TRIM44: variants seen among roughly 807,000 people sequenced by gnomAD.
TRIM44 encodes tripartite motif-containing protein 44.
Under a neutral mutation model 37.4 loss-of-function variants are expected in TRIM44, and 13 were observed. The observed-to-expected ratio is 0.35, with a 90% CI of 0.23 to 0.55. TRIM44 has a LOEUF of 0.55. TRIM44 is among the 20% of genes least tolerant of loss of function. The pLI is 0.89. For synonymous variants in TRIM44, 175 were observed against 157.2 expected (o/e 1.11, Z -0.85); for missense variants, 426 against 437.2 (o/e 0.97, Z 0.23).
rs1292570782 is a variant in TRIM44, at chr11:35,802,055, T to G, written c.1008-4303T>G. Among the ~76,000 whole-genome samples the G allele has an allele frequency of 2.0e-5, 3 of 152,318 alleles. No individual in the cohort carries two copies. In the East Asian group the frequency reaches 5.8e-4, roughly 29 times the overall value. ...CTTTGGCACTGTGAATTTAGCTTATTAAATTTACAAGCAAAGGTGCACTAT... is the reference window on the plus strand; with the variant it reads ...CTTTGGCACTGTGAATTTAGCTTATGAAATTTACAAGCAAAGGTGCACTAT... On this transcript the variant is annotated intron_variant, in intron 4 of 4. Transcript: ENST00000299413.
intron 4 of TRIM44, among the ~76,000 whole-genome samples, chr11:35,742,566 A>G (rs1024464127): frequency 1.5e-5 from 2 of 132,572 alleles, no homozygotes; most frequent in African/African-American, 5.7e-5. Context: ...TGTATTATAT[A>G]TAATTATATT....
rs1213749685 is a variant in TRIM44, at chr11:35,685,468, AAC to A, written c.747+134_747+135del. On this transcript the variant is annotated intron_variant, in intron 2 of 4. Transcript: ENST00000299413. The stretch of plus-strand genomic sequence containing the variant: ...GATTTAATTAAGCCTGCCCATCAGA[AAC>A]AGTGTCCTGATATGCCTAGAGATAA... The A allele has an allele frequency of 6.1e-5, 44 of 727,054 alleles. No individual in the cohort carries two copies. In the African/African-American group the frequency reaches 6.2e-4, roughly 10 times the overall value. The allele number at this position is 727,054 out of a possible 1,614,324, so 45.0% of individuals were successfully genotyped here. A position where few individuals can be genotyped will look rare whatever the true frequency, so the allele number is the denominator to read the frequency against.
chr11:35,743,767 G>A (rs1185707409), intron 4 of TRIM44, among the ~76,000 whole-genome samples: 1 of 152,118 alleles, frequency 6.6e-6, no homozygotes, highest in Non-Finnish European at 1.5e-5. Context: ...ACAATCCATG[G>A]TTTGAAAAAC....
intron 2 of TRIM44, among the ~76,000 whole-genome samples, chr11:35,715,826 G>A (rs1386640547): frequency 6.6e-6 from 1 of 152,124 alleles, no homozygotes; most frequent in Admixed American, 6.6e-5. Flanking sequence ...AAGCAGGCAT[G>A]TCATACGTGG....
chr11:35,707,430 A>G (rs1197926661), intron 2 of TRIM44, among the ~76,000 whole-genome samples: 2 of 152,140 alleles, frequency 1.3e-5, no homozygotes, highest in Non-Finnish European at 2.9e-5. Context: ...GTTCATATGG[A>G]ACCAAAAAAG....
chr11:35,669,820 T>TTTG (rs774338310), intron 1 of TRIM44, among the ~76,000 whole-genome samples: 40 of 151,724 alleles, frequency 2.6e-4, no homozygotes, highest in African/African-American at 3.9e-4. Context: ...TTGTTTGTTT[T>TTTG]TTGTTGTTGT....
At chr11:35,666,048 G>A (rs146175882) in intron 1 of TRIM44, among the ~76,000 whole-genome samples, 6 of 152,144 alleles carry the variant, frequency 3.9e-5, no homozygotes, top group African/African-American at 1.2e-4. Flanking sequence ...TGCTTTTTGT[G>A]TCTTGTTCTA....
chr11:35,663,212 G>C lies in TRIM44; in HGVS notation c.101G>C (p.Arg34Pro). The C allele has an allele frequency of 1.2e-6, 2 of 1,602,930 alleles. No homozygotes were observed. Among genetic ancestry groups the C allele is most frequent in the Non-Finnish European group, 1.7e-6 (2 of 1,173,346 alleles). The change falls in exon 1 of 5, where the codon CGA becomes CCA. Residue 34 changes from arginine (R) to proline (P), a missense_variant. This residue lies in a region of TRIM44 where 331 missense variants were observed against 303.0 expected (regional missense o/e 1.09). Transcript: ENST00000299413. ...DEAPGAEEVCRECGFCYCRRH... is the reference protein window; with the variant it reads ...DEAPGAEEVCPECGFCYCRRH... The stretch of plus-strand genomic sequence containing the variant: ...GCTCCGGGGGCCGAGGAAGTGTGCC[G>C]AGAATGCGGCTTCTGCTACTGCCGC...
At chr11:35,714,579 A>G (rs1852016268) in intron 2 of TRIM44, among the ~76,000 whole-genome samples, 2 of 152,208 alleles carry the variant, frequency 1.3e-5, no homozygotes, top group South Asian at 4.1e-4. Flanking sequence ...GTGTTTTAAT[A>G]AAATACAAAT....
At chr11:35,694,222 T>A (rs1424398687) in intron 2 of TRIM44, among the ~76,000 whole-genome samples, 1 of 152,222 alleles carries the variant, frequency 6.6e-6, no homozygotes, top group African/African-American at 2.4e-5. Flanking sequence ...GAATCCGCTA[T>A]AGAGCCGATT....
In TRIM44 at chr11:35,663,757, G is replaced by A; in HGVS notation, c.646G>A (p.Asp216Asn). The change falls in exon 1 of 5, where the codon GAC (aspartate) becomes AAC (asparagine). Residue 216 changes from aspartate (D) to asparagine (N), a missense_variant. Around this residue, in one of 2 missense-constraint regions of TRIM44, gnomAD observed 331 missense variants for 303.0 expected, o/e 1.09. Coordinates refer to ENST00000299413, the MANE Select transcript of TRIM44 (RefSeq NM_017583.6). ...AHQGHQLSTLDEAFEELRSKD... is the reference protein window; with the variant it reads ...AHQGHQLSTLNEAFEELRSKD... ...CCAGGGCCACCAACTCTCCACCCTA[G>A]ACGAAGCCTTTGAAGAATTAAGAGT... 1.2e-6 allele frequency: 2 copies of A among 1,613,936 alleles called. No homozygotes were observed. The highest frequency in any genetic ancestry group is 1.7e-6 in the Non-Finnish European group (2 of 1,179,962).
intron 4 of TRIM44, among the ~76,000 whole-genome samples, chr11:35,753,836 C>T (rs1852588915): frequency 6.6e-6 from 1 of 151,808 alleles, no homozygotes; most frequent in African/African-American, 2.4e-5. Flanking sequence ...TCAAGCGATT[C>T]CCCTGCCTCA....
chr11:35,765,996 T>G (rs757032135), intron 4 of TRIM44, among the ~76,000 whole-genome samples: 2 of 152,190 alleles, frequency 1.3e-5, no homozygotes, highest in Non-Finnish European at 2.9e-5. Context: ...AAGCAAGTAT[T>G]TCTGTGCCTG....
At chr11:35,761,855 A>G (rs1230806351) in intron 4 of TRIM44, among the ~76,000 whole-genome samples, 1 of 152,210 alleles carries the variant, frequency 6.6e-6, no homozygotes, top group Non-Finnish European at 1.5e-5. Flanking sequence ...TTTTGTTTAA[A>G]GTGACTTACC....
intron 4 of TRIM44, among the ~76,000 whole-genome samples, chr11:35,787,865 C>T (rs931590672): frequency 6.6e-6 from 1 of 152,204 alleles, no homozygotes; most frequent in Non-Finnish European, 1.5e-5. Context: ...CATAATGAGG[C>T]ATTCAGTGTC....
intron 4 of TRIM44, among the ~76,000 whole-genome samples, chr11:35,799,924 A>G (rs921912055): frequency 1.4e-4 from 22 of 152,184 alleles, no homozygotes; most frequent in African/African-American, 5.1e-4. Flanking sequence ...AGCGAAGTCA[A>G]ACTTTTTTTA....
At chr11:35,793,315 A>G (rs1853241603) in intron 4 of TRIM44, among the ~76,000 whole-genome samples, 1 of 152,154 alleles carries the variant, frequency 6.6e-6, no homozygotes, top group Admixed American at 6.5e-5. Flanking sequence ...ACCTGAGGTC[A>G]GGAGTTCGAG....
intron 4 of TRIM44, among the ~76,000 whole-genome samples, chr11:35,790,670 A>G (rs1409204554): frequency 6.6e-6 from 1 of 152,128 alleles, no homozygotes; most frequent in Non-Finnish European, 1.5e-5. Context: ...AAGTAAATTG[A>G]TGTGGTGTTC....
At chr11:35,703,586 G>C (rs1336265335) in intron 2 of TRIM44, among the ~76,000 whole-genome samples, 1 of 152,170 alleles carries the variant, frequency 6.6e-6, no homozygotes, top group Non-Finnish European at 1.5e-5. Context: ...CGATCAGACG[G>C]CAGCATTCGC....
Sources: gnomAD v4.1 joint callset for allele counts (sites outside exome capture counted in the v4.1 genomes callset) on GRCh38, gnomAD v4.1.1 for gene constraint, gnomAD v4.1.1 regional missense constraint, MANE v1.5 for transcripts, NCBI Gene and HGNC (gene_info 2026-07-23, HGNC 2026-07-21) for gene names.